Variants in CNBD2 observed in about 807,000 individuals in gnomAD.
CNBD2 encodes the protein cyclic nucleotide-binding domain-containing protein 2.
A neutral mutation model predicts 63.7 loss-of-function variants in CNBD2; 64 were observed. The ratio of observed to expected loss-of-function variants is 1.00; its 90% CI spans 0.82 to 1.24. CNBD2 has a LOEUF of 1.24. Among genes scored for constraint, CNBD2 ranks in the 50% most tolerant of loss-of-function variants. The probability of loss-of-function intolerance (pLI) is 0.00; values close to 1 mark genes in which losing one functional copy is unlikely to be tolerated. For missense variants in CNBD2, 691 were observed against 713.5 expected, an observed-to-expected ratio of 0.97 and a Z score of 0.36; for synonymous variants, 229 against 255.4, an observed-to-expected ratio of 0.90 and a Z score of 0.99.
At chr20:36,002,589 C>G (rs1238065306) in intron 8 of CNBD2, among the ~76,000 whole-genome samples, 2 of 152,188 alleles carry the variant, frequency 1.3e-5, no homozygotes, top group African/African-American at 4.8e-5. Context: ...CTGCACCTGG[C>G]CAACATTTTT....
chr20:35,999,747 G>A (rs543176303), intron 8 of CNBD2, among the ~76,000 whole-genome samples: 12 of 150,182 alleles, frequency 8.0e-5, no homozygotes, highest in African/African-American at 2.9e-4. Context: ...GCACGATCTC[G>A]GCTCACTGCA....
intron 10 of CNBD2, among the ~76,000 whole-genome samples, chr20:36,013,709 A>G (rs1258780708): frequency 6.6e-6 from 1 of 152,184 alleles, no homozygotes; most frequent in Non-Finnish European, 1.5e-5. Flanking sequence ...CACTGAAATA[A>G]ATCAGTTCAG....
intron 9 of CNBD2, among the ~76,000 whole-genome samples, chr20:36,009,818 C>T (rs1042214992): frequency 2.0e-5 from 3 of 152,078 alleles, no homozygotes; most frequent in Non-Finnish European, 2.9e-5. Flanking sequence ...TGCAACAGAG[C>T]GAGACTGCAT....
At chr20:35,954,456 G>C (rs993059511), upstream of CNBD2, 1 of 1,548,854 alleles carries the variant, frequency 6.5e-7, no homozygotes, top group African/African-American at 1.4e-5. Flanking sequence ...ACCTGCACCA[G>C]CGAAGCGCCT....
chr20:35,977,893 T>TAC (rs1279428229), intron 3 of CNBD2, among the ~76,000 whole-genome samples: 3 of 152,240 alleles, frequency 2.0e-5, no homozygotes, highest in Non-Finnish European at 2.9e-5. Context: ...TAATATATAG[T>TAC]ACACACACAT....
chr20:35,975,879 G>T, intron 2 of CNBD2, 70 bp from the exon 3 acceptor site: 1 of 1,384,768 alleles, frequency 7.2e-7, no homozygotes, highest in Non-Finnish European at 1.0e-6. Context: ...TAGACAGGAG[G>T]GCTCTAGATG....
chr20:35,988,879 A>G (rs2147256498), intron 7 of CNBD2, among the ~76,000 whole-genome samples: 1 of 152,162 alleles, frequency 6.6e-6, no homozygotes, highest in South Asian at 2.1e-4. Context: ...CATACTGAGG[A>G]TTTGATATTT....
intron 7 of CNBD2, among the ~76,000 whole-genome samples, chr20:35,988,051 G>A (rs1040053421): frequency 4.6e-5 from 7 of 151,864 alleles, no homozygotes; most frequent in African/African-American, 1.4e-4. Context: ...TGTACTTTTA[G>A]TAGAGACGGG....
chr20:35,984,193 G>A (rs980032296), intron 5 of CNBD2, 55 bp downstream of exon 5: 6 of 1,542,108 alleles, frequency 3.9e-6, no homozygotes, highest in Non-Finnish European at 4.4e-6. Flanking sequence ...GAGGTGACAG[G>A]ACTTCTGCTA....
At chr20:36,014,044 G>T (rs1036059719) in intron 10 of CNBD2, among the ~76,000 whole-genome samples, 1 of 151,768 alleles carries the variant, frequency 6.6e-6, no homozygotes. Flanking sequence ...TTAGCCGGGC[G>T]TGGTGGCAGG....
rs942436521 is a variant in CNBD2, at chr20:35,984,736, A to G, written c.674A>G (p.Gln225Arg). Residue 225 changes from glutamine (Q) to arginine (R), a missense_variant, in exon 6 of 12, where the codon CAG becomes CGG. Gln to Arg is a conservative substitution (Grantham distance 43). Coordinates refer to ENST00000373973, the MANE Select transcript of CNBD2 (RefSeq NM_001365709.1). ...REDFFANKLD[Q>R]EVQKDAQYRF... ...GACTTCTTTGCTAATAAGCTGGACC[A>G]GGAAGTTCAGAAGGATGCTCAGTAT... 1 of 1,614,120 alleles carries G rather than the reference A, an allele frequency of 6.2e-7. No individual in the cohort carries two copies. The highest frequency in any genetic ancestry group is 8.5e-7 in the Non-Finnish European group (1 of 1,180,048).
chr20:36,011,413 G>A (rs114463039), intron 10 of CNBD2, among the ~76,000 whole-genome samples, 156 bp downstream of exon 10: 192 of 152,310 alleles, frequency 1.3e-3, no homozygotes, highest in African/African-American at 4.3e-3. Flanking sequence ...TAGGCCGGGC[G>A]CGGTGGCTCA....
At chr20:36,015,940 AG>A (rs1568922134) in intron 10 of CNBD2, among the ~76,000 whole-genome samples, 1 of 152,282 alleles carries the variant, frequency 6.6e-6, no homozygotes, top group South Asian at 2.1e-4. Flanking sequence ...CAGTATGGCA[AG>A]GGGGGAATGA....
chr20:36,022,480 G>A (rs1425576706), intron 10 of CNBD2, among the ~76,000 whole-genome samples: 4 of 151,922 alleles, frequency 2.6e-5, no homozygotes, highest in Admixed American at 2.6e-4. Context: ...TTACAGGCAT[G>A]AGCCACTGCG....
upstream of CNBD2, among the ~76,000 whole-genome samples, chr20:35,965,604 C>T (rs2056339799): frequency 6.6e-6 from 1 of 152,176 alleles, no homozygotes; most frequent in South Asian, 2.1e-4. Flanking sequence ...CTCTTTTTGG[C>T]ATTCTACCCT....
intron 8 of CNBD2, among the ~76,000 whole-genome samples, chr20:36,000,291 C>CTA: frequency 6.6e-6 from 1 of 151,970 alleles, no homozygotes; most frequent in South Asian, 2.1e-4. Flanking sequence ...GCATTAAAGT[C>CTA]TTTTTTGACT....
At chr20:36,017,055 T>A in intron 10 of CNBD2, among the ~76,000 whole-genome samples, 1 of 120,600 alleles carries the variant, frequency 8.3e-6, no homozygotes, top group Admixed American at 8.1e-5. Flanking sequence ...TGAGAGCCTG[T>A]CTCAAAAAAA....
At chr20:36,010,210 T>C (rs1449719807) in intron 9 of CNBD2, among the ~76,000 whole-genome samples, 1 of 152,076 alleles carries the variant, frequency 6.6e-6, no homozygotes, top group Non-Finnish European at 1.5e-5. Context: ...CTTTTGAAAT[T>C]GAAGTGTCAT....
intron 11 of CNBD2, among the ~76,000 whole-genome samples, chr20:36,029,243 C>T (rs1200807117): frequency 6.6e-6 from 1 of 152,192 alleles, no homozygotes; most frequent in Non-Finnish European, 1.5e-5. Flanking sequence ...CTTAGCCTCA[C>T]CCCAATTTCT....
Sources: allele counts gnomAD v4.1 joint callset (sites outside exome capture counted in the v4.1 genomes callset), GRCh38; gene constraint gnomAD v4.1.1; transcripts MANE v1.5; gene names NCBI Gene and HGNC (gene_info 2026-07-23, HGNC 2026-07-21).